Variants in HAUS6 observed in about 807,000 individuals in gnomAD.
HAUS6 encodes HAUS augmin like complex subunit 6.
HAUS6 carries 80 observed loss-of-function variants against 106.8 expected under a neutral mutation model. The ratio of observed to expected loss-of-function variants is 0.75; its 90% CI spans 0.63 to 0.90. HAUS6 has a LOEUF of 0.90. HAUS6 is among the 40% of genes least tolerant of loss of function. The pLI is 0.00. For missense variants in HAUS6, 1,155 were observed against 1,118.1 expected, an observed-to-expected ratio of 1.03 and a Z score of -0.47; for synonymous variants, 356 against 379.1, an observed-to-expected ratio of 0.94 and a Z score of 0.71.
At chr9:19,094,659 G>A (rs1817824017) in intron 2 of HAUS6, among the ~76,000 whole-genome samples, 1 of 152,066 alleles carries the variant, frequency 6.6e-6, no homozygotes, top group African/African-American at 2.4e-5. Context: ...AGGCATAGTG[G>A]TGTGCGCCTA....
chr9:19,084,656 A>G (rs977388276), intron 7 of HAUS6, among the ~76,000 whole-genome samples: 13 of 150,008 alleles, frequency 8.7e-5, no homozygotes, highest in Non-Finnish European at 1.5e-4. Flanking sequence ...TTTTTGAAAC[A>G]AGGTCTCACT....
intron 4 of HAUS6, among the ~76,000 whole-genome samples, chr9:19,090,730 G>A (rs1252543287): frequency 6.6e-6 from 1 of 152,174 alleles, no homozygotes; most frequent in Non-Finnish European, 1.5e-5. Context: ...CATCTCCATT[G>A]CTGCCATCAG....
At chr9:19,084,951 C>T (rs911164184) in intron 7 of HAUS6, among the ~76,000 whole-genome samples, 6 of 151,262 alleles carry the variant, frequency 4.0e-5, no homozygotes, top group Non-Finnish European at 7.4e-5. Flanking sequence ...TTTTTTAAGA[C>T]GGGTCTCGCT....
At chr9:19,092,735 C>T (rs1285114121) in intron 4 of HAUS6, among the ~76,000 whole-genome samples, 1 of 150,578 alleles carries the variant, frequency 6.6e-6, no homozygotes, top group Non-Finnish European at 1.5e-5. Flanking sequence ...ACCAGCCTGG[C>T]TAACATGGTA....
chr9:19,074,315 A>G (rs1564012449), intron 11 of HAUS6, among the ~76,000 whole-genome samples: 1 of 152,132 alleles, frequency 6.6e-6, no homozygotes, highest in Admixed American at 6.6e-5. Context: ...TGTCCAGGCT[A>G]GAGCATTGTG....
intron 16 of HAUS6, 81 bp downstream of exon 16, chr9:19,057,880 G>C: frequency 2.7e-6 from 2 of 748,376 alleles, no homozygotes; most frequent in Non-Finnish European, 4.4e-6. Flanking sequence ...AGGTCATGCA[G>C]CATTCTTTGT....
chr9:19,064,408 G>T (rs1434233097), intron 12 of HAUS6, among the ~76,000 whole-genome samples: 1 of 152,128 alleles, frequency 6.6e-6, no homozygotes, highest in East Asian at 1.9e-4. Context: ...ACATTCTGTT[G>T]TATTTGTTAA....
intron 7 of HAUS6, among the ~76,000 whole-genome samples, chr9:19,084,177 A>G (rs574167669): frequency 6.7e-4 from 102 of 152,352 alleles, no homozygotes; most frequent in African/African-American, 2.4e-3. Context: ...ATAGAACACT[A>G]AGCAGCAATG....
intron 7 of HAUS6, 119 bp from the exon 8 acceptor site, chr9:19,083,162 AAAT>A (rs1837202738): frequency 4.1e-6 from 2 of 493,818 alleles, no homozygotes; most frequent in Middle Eastern, 3.4e-4. Context: ...TAAGAAAATT[AAAT>A]AATTATACTT....
At chr9:19,099,043 G>C (rs1163407856) in intron 1 of HAUS6, among the ~76,000 whole-genome samples, 1 of 145,268 alleles carries the variant, frequency 6.9e-6, no homozygotes, top group Admixed American at 6.9e-5. Flanking sequence ...AAGAAAAAAA[G>C]AAAAGTGGTC....
chr9:19,093,055 A>C (rs1817788439), intron 4 of HAUS6, 116 bp downstream of exon 4: 3 of 715,226 alleles, frequency 4.2e-6, no homozygotes, highest in African/African-American at 1.8e-5. Context: ...TTTTTGGGGT[A>C]CATTAATGTT....
intron 12 of HAUS6, 47 bp from the exon 13 acceptor site, chr9:19,063,627 T>C (rs367871078): frequency 8.4e-7 from 1 of 1,195,370 alleles, no homozygotes; most frequent in East Asian, 2.3e-5. Flanking sequence ...GAGAAAAGAA[T>C]TCCATTCCCT....
chr9:19,080,130 C>T (rs1182705257), intron 9 of HAUS6, among the ~76,000 whole-genome samples: 23 of 145,064 alleles, frequency 1.6e-4, no homozygotes, highest in Middle Eastern at 3.5e-3. Flanking sequence ...GCCAAGATCG[C>T]GCCATTGCAC....
intron 15 of HAUS6, 99 bp downstream of exon 15, chr9:19,059,989 A>T: frequency 1.2e-6 from 1 of 862,708 alleles, no homozygotes; most frequent in Non-Finnish European, 1.8e-6. Flanking sequence ...ATAAATAAAC[A>T]GCCTTTGGCA....
intron 11 of HAUS6, among the ~76,000 whole-genome samples, chr9:19,072,822 T>A (rs1836908033): frequency 6.6e-6 from 1 of 152,278 alleles, no homozygotes; most frequent in South Asian, 2.1e-4. Flanking sequence ...TTAAACATAG[T>A]AATTGTTAAA....
intron 12 of HAUS6, among the ~76,000 whole-genome samples, chr9:19,064,049 C>T (rs1257822180): frequency 2.0e-5 from 3 of 151,618 alleles, no homozygotes; most frequent in Non-Finnish European, 4.4e-5. Context: ...CTCACCACGA[C>T]CTCCGCCTCC....
At chr9:19,074,302 T>C (rs1453060226) in intron 11 of HAUS6, among the ~76,000 whole-genome samples, 1 of 152,150 alleles carries the variant, frequency 6.6e-6, no homozygotes, top group African/African-American at 2.4e-5. Flanking sequence ...GGTCTTACTC[T>C]GTTGTCCAGG....
At chr9:19,092,513 G>A (rs1817773815) in intron 4 of HAUS6, among the ~76,000 whole-genome samples, 2 of 151,358 alleles carry the variant, frequency 1.3e-5, no homozygotes, top group Non-Finnish European at 2.9e-5. Context: ...TACTCCGGGG[G>A]CTGAGGCAGG....
intron 12 of HAUS6, chr9:19,063,858 A>T (rs777932604): frequency 5.3e-5 from 31 of 589,494 alleles, no homozygotes; most frequent in Non-Finnish European, 9.0e-5. Context: ...TGACTTAATG[A>T]ATACTCCACA....
Sources: allele counts gnomAD v4.1 joint callset (sites outside exome capture counted in the v4.1 genomes callset), GRCh38; gene constraint gnomAD v4.1.1; transcripts MANE v1.5; gene names NCBI Gene and HGNC (gene_info 2026-07-23, HGNC 2026-07-21).